The following COL27A1 variants were observed in gnomAD, a reference collection of about 807,000 sequenced individuals.
COL27A1 encodes the protein collagen alpha-1(XXVII) chain.
A neutral mutation model predicts 251.3 loss-of-function variants in COL27A1; 106 were observed. That is an observed-to-expected ratio of 0.42 (90% CI 0.36 to 0.50). The LOEUF (loss-of-function observed/expected upper bound fraction) is 0.50, where lower values mean the gene tolerates loss of function less well. Ranked by LOEUF, COL27A1 falls within the 20% of genes least tolerant of loss-of-function variation. The pLI is 0.00. For synonymous variants in COL27A1, 1,000 were observed against 986.3 expected (o/e 1.01, Z -0.26); for missense variants, 2,325 against 2,522.8 (o/e 0.92, Z 1.68).
intron 49 of COL27A1, among the ~76,000 whole-genome samples, chr9:114,299,548 G>C (rs934434235): frequency 1.3e-5 from 2 of 152,210 alleles, no homozygotes; most frequent in Non-Finnish European, 2.9e-5. Flanking sequence ...TGGTGTCTGC[G>C]TGACTTTTAG....
Position 114,297,461 on chromosome 9 carries a change from C to T in COL27A1, c.4585-2609C>T, listed in dbSNP as rs150854035. Among the ~76,000 whole-genome samples the T allele has an allele frequency of 4.0e-5, 6 of 151,684 alleles. No homozygotes were observed. In the East Asian group the frequency reaches 1.2e-3, roughly 29 times the overall value. Reference sequence around the variant, plus strand: ...TTAGAAAACCAAATTCAGCAATATGCCTAAAGGAGTCTACACCATGACAAA... The same window carrying T: ...TTAGAAAACCAAATTCAGCAATATGTCTAAAGGAGTCTACACCATGACAAA... On this transcript the variant is annotated intron_variant, in intron 49 of 60. Coordinates refer to ENST00000356083, the MANE Select transcript of COL27A1 (RefSeq NM_032888.4).
At chr9:114,242,157 T>G (rs764764305) in intron 21 of COL27A1, 30 bp from the exon 22 acceptor site, 15 of 1,579,278 alleles carry the variant, frequency 9.5e-6, no homozygotes, top group African/African-American at 1.4e-5. Context: ...ACTTTCTCCT[T>G]TTTTCCTCTC....
intron 1 of COL27A1, among the ~76,000 whole-genome samples, chr9:114,161,885 G>C (rs1848516739): frequency 6.6e-6 from 1 of 152,212 alleles, no homozygotes; most frequent in African/African-American, 2.4e-5. Flanking sequence ...GGACCATCTA[G>C]GGGAGTATTT....
In COL27A1 at chr9:114,290,098, G is replaced by A. The variant is rs200663129; in HGVS notation, c.4247G>A (p.Arg1416Gln). ...GKQGKAGAPG[R>Q]RGVQGLQGLP... ...CAAGGCAAGGCAGGGGCCCCAGGCC[G>A]GAGGGGGGTCCAGGTGAGTGACTAC... Residue 1416 changes from arginine (R) to glutamine (Q), a missense_variant, in exon 46 of 61, where the codon CGG (arginine) becomes CAG (glutamine). Physicochemically the swap from Arg to Gln is conservative, Grantham distance 43. Around this residue, in one of 4 missense-constraint regions of COL27A1, gnomAD observed 662 missense variants for 795.3 expected, o/e 0.83. Transcript: ENST00000356083. This position sits in a 1 kb window ranked among gnomAD's most constrained non-coding sequence, Gnocchi z 4.6. 1.9e-5 allele frequency: 31 copies of A among 1,611,670 alleles called. No individual in the cohort carries two copies. The highest frequency in any genetic ancestry group is 1.0e-4 in the Admixed American group (6 of 60,006).
rs532026280 is a variant in COL27A1, at chr9:114,263,512, C to A, written c.3196-843C>A. On this transcript the variant is annotated intron_variant, in intron 28 of 60. Coordinates refer to ENST00000356083, the MANE Select transcript of COL27A1 (RefSeq NM_032888.4). ...TTTCCAGGAGAGCCCAGCCCATCTGCGTCTCTGTGGGAGCGGCCCTGGAGG... is the reference window on the plus strand; with the variant it reads ...TTTCCAGGAGAGCCCAGCCCATCTGAGTCTCTGTGGGAGCGGCCCTGGAGG... 1.7e-3 allele frequency among the ~76,000 whole-genome samples: 264 copies of A among 152,232 alleles called. 1 individual carries two copies. The highest frequency in any genetic ancestry group is 3.4e-3 in the Middle Eastern group (1 of 294).
chr9:114,258,633 G>A (rs762689728), intron 28 of COL27A1, 39 bp downstream of exon 28: 2 of 1,603,314 alleles, frequency 1.2e-6, no homozygotes, highest in African/African-American at 2.7e-5. Context: ...ATGCTGGTGG[G>A]AGGGGGCACA....
intron 3 of COL27A1, among the ~76,000 whole-genome samples, chr9:114,169,816 T>A (rs1588572971): frequency 6.6e-6 from 1 of 152,212 alleles, no homozygotes; most frequent in African/African-American, 2.4e-5. Flanking sequence ...TGGCTCCAGA[T>A]CATGCAGTGA....
chr9:114,220,589 G>T (rs1359613794), intron 13 of COL27A1, among the ~76,000 whole-genome samples: 1 of 152,220 alleles, frequency 6.6e-6, no homozygotes, highest in Non-Finnish European at 1.5e-5. Flanking sequence ...TCAGAACCCT[G>T]CGGACCTGGG....
At position 114,258,566 on chromosome 9, in the gene COL27A1, C is replaced by T; in HGVS notation, c.3167C>T (p.Pro1056Leu). 2 of 1,614,134 alleles carry T rather than the reference C, an allele frequency of 1.2e-6. No homozygotes were observed. The highest frequency in any genetic ancestry group is 1.7e-6 in the Non-Finnish European group (2 of 1,180,024). The change falls in exon 28 of 61, where the codon CCA (proline) becomes CTA (leucine). Residue 1056 changes from proline (P) to leucine (L), a missense_variant. By Grantham distance (98) the Pro-to-Leu change is moderately conservative. Transcript: ENST00000356083. ...GGTCCTCCAGGATCTCGAGGCCCAC[C>T]AGGCATGAGGGGAGCAAAGGGACGT... ...PQGPPGSRGPPGMRGAKGRRG... is the reference protein window; with the variant it reads ...PQGPPGSRGPLGMRGAKGRRG...
intron 19 of COL27A1, among the ~76,000 whole-genome samples, chr9:114,238,592 T>G (rs918130569): frequency 6.6e-6 from 1 of 152,212 alleles, no homozygotes; most frequent in Non-Finnish European, 1.5e-5. Flanking sequence ...AGGAAATGTT[T>G]CCTAAAAGCT....
intron 49 of COL27A1, among the ~76,000 whole-genome samples, chr9:114,297,083 T>G (rs1257304210): frequency 6.6e-6 from 1 of 152,118 alleles, no homozygotes; most frequent in Admixed American, 6.5e-5. Flanking sequence ...CAAAAGGGTG[T>G]GAGGAAAGTT....
At chr9:114,242,297 C>G in intron 22 of COL27A1, 66 bp downstream of exon 22, 3 of 1,404,076 alleles carry the variant, frequency 2.1e-6, no homozygotes, top group Non-Finnish European at 9.8e-7. Flanking sequence ...ACAGGCAGGG[C>G]AACATCTGGC....
At chr9:114,298,284 A>C (rs1828388597) in intron 49 of COL27A1, among the ~76,000 whole-genome samples, 1 of 152,234 alleles carries the variant, frequency 6.6e-6, no homozygotes, top group Non-Finnish European at 1.5e-5. Flanking sequence ...CCACAAACAG[A>C]GCTACAGATT....
chr9:114,226,856 A>G (rs1367321204), intron 14 of COL27A1, among the ~76,000 whole-genome samples: 1 of 152,226 alleles, frequency 6.6e-6, no homozygotes, highest in African/African-American at 2.4e-5. Flanking sequence ...GTCTGGGGGC[A>G]GCACAGGTGG....
chr9:114,209,643 A>T, intron 10 of COL27A1, 32 bp from the exon 11 acceptor site: 1 of 1,612,062 alleles, frequency 6.2e-7, no homozygotes, highest in South Asian at 1.1e-5. Context: ...TCACTGCTTG[A>T]CCGCTCTGAC....
intron 19 of COL27A1, among the ~76,000 whole-genome samples, chr9:114,239,307 A>G (rs1832601323): frequency 6.6e-6 from 1 of 152,252 alleles, no homozygotes; most frequent in African/African-American, 2.4e-5. Flanking sequence ...TTCCCAGAGT[A>G]CAGGACCCAA....
chr9:114,236,983 G>C lies in COL27A1; in HGVS notation c.2622G>C (p.Gly874=). 1 of 1,613,350 alleles carries C rather than the reference G, an allele frequency of 6.2e-7. No individual in the cohort carries two copies. Among genetic ancestry groups the C allele is most frequent in the South Asian group, 1.1e-5 (1 of 90,962 alleles). The change falls in exon 18 of 61, where the codon GGG becomes GGC. Residue 874 remains glycine, a splice_region_variant and synonymous_variant. Coordinates refer to ENST00000356083, the MANE Select transcript of COL27A1 (RefSeq NM_032888.4). The part of the protein sequence containing the change: ...SGDPGFQGDK[G]SQGLPGFPGA... ...AGCCTGCTCTGGATCTCTTCCAGGG[G>C]AGCCAGGGGTTGCCAGGGTTCCCCG...
Position 114,301,143 on chromosome 9 carries a change from A to G in COL27A1, c.4755+18A>G, listed in dbSNP as rs1828597617. 6.2e-7 allele frequency: 1 copy of G among 1,613,540 alleles called. No individual in the cohort carries two copies. Among genetic ancestry groups the G allele is most frequent in the Non-Finnish European group, 8.5e-7 (1 of 1,179,738 alleles). ...GACTCCCGGTATGTGTGGGGATTGG[A>G]CAGGAAGACTCCGGGGTCCCCTTGC... On this transcript the variant is annotated intron_variant, in intron 52 of 60. Coordinates refer to ENST00000356083, the MANE Select transcript of COL27A1 (RefSeq NM_032888.4).
In COL27A1 at chr9:114,186,507, G is replaced by A. The variant is rs1341772677; in HGVS notation, c.2016+3432G>A. Among the ~76,000 whole-genome samples, 30 of 152,176 alleles carry A rather than the reference G, an allele frequency of 2.0e-4. 1 individual carries two copies. The highest frequency in any genetic ancestry group is 2.0e-3 in the Admixed American group (30 of 15,286). The stretch of plus-strand genomic sequence containing the variant: ...ATTAGGTCTCTAGGGCTCCATGTGA[G>A]AGGCCCGGAGTGCTCGGAGACCCCA... On this transcript the variant is annotated intron_variant, in intron 5 of 60. Transcript: ENST00000356083.
Sources: allele counts gnomAD v4.1 joint callset (sites outside exome capture counted in the v4.1 genomes callset), GRCh38; gene constraint gnomAD v4.1.1; regional missense constraint gnomAD v4.1.1; non-coding constraint Gnocchi (gnomAD v3.1); transcripts MANE v1.5; gene names NCBI Gene and HGNC (gene_info 2026-07-23, HGNC 2026-07-21).